Variants in F13A1 observed in about 807,000 individuals in gnomAD.
F13A1 encodes coagulation factor XIII A chain, also known as FSF, A subunit.
In F13A1, 47 loss-of-function variants were observed where a neutral mutation model predicts 80.1. The observed-to-expected ratio is 0.59, with a 90% confidence interval of 0.46 to 0.75. The LOEUF (loss-of-function observed/expected upper bound fraction) is 0.75, where lower values mean the gene tolerates loss of function less well. F13A1 is among the 30% of genes least tolerant of loss of function. The pLI is 0.00. For synonymous variants in F13A1, 349 were observed against 344.9 expected, an observed-to-expected ratio of 1.01 and a Z score of -0.13; for missense variants, 817 against 930.4, an observed-to-expected ratio of 0.88 and a Z score of 1.59.
intron 3 of F13A1, among the ~76,000 whole-genome samples, chr6:6,292,721 ACCCAGT>A: frequency 6.6e-6 from 1 of 152,310 alleles, no homozygotes; most frequent in East Asian, 1.9e-4. Context: ...TGTGCAGTTG[ACCCAGT>A]CCTAGAAATG....
chr6:6,209,806 G>C (rs764381334), intron 8 of F13A1, among the ~76,000 whole-genome samples: 1 of 152,240 alleles, frequency 6.6e-6, no homozygotes, highest in Non-Finnish European at 1.5e-5. Flanking sequence ...CAAATCCATA[G>C]AGAGAGAAAG....
intron 8 of F13A1, among the ~76,000 whole-genome samples, chr6:6,213,945 A>G (rs201069529): frequency 0.14 from 14,607 of 103,408 alleles, no homozygotes; most frequent in South Asian, 0.3. Context: ...CCATTACATA[A>G]TGGTAAAGGG....
In F13A1 at chr6:6,305,375, G is replaced by T. The variant is rs2113183947; in HGVS notation, c.295C>A (p.Leu99Ile). The change falls in exon 3 of 15, where the codon CTC becomes ATC. Residue 99 changes from leucine to isoleucine, a missense_variant. By Grantham distance (5) the Leu-to-Ile change is conservative. Coordinates refer to ENST00000264870, the MANE Select transcript of F13A1 (RefSeq NM_000129.4). ...CCAATGACGTATTCCACCCTGAAGA[G>T]ATCCCTTCTGGGGTCATATGGACGA... ...FSRPYDPRRD[L>I]FRVEYVIGRY... 6.2e-7 allele frequency: 1 copy of T among 1,614,226 alleles called. No homozygotes were observed. The highest frequency in any genetic ancestry group is 2.2e-5 in the East Asian group (1 of 44,880).
chr6:6,155,832 C>T (rs965443253), intron 13 of F13A1, among the ~76,000 whole-genome samples: 1 of 152,174 alleles, frequency 6.6e-6, no homozygotes, highest in African/African-American at 2.4e-5. Flanking sequence ...CTGTTTGCAT[C>T]ACATTATTTT....
chr6:6,244,013 G>T (rs1332890676), intron 6 of F13A1, among the ~76,000 whole-genome samples: 1 of 152,192 alleles, frequency 6.6e-6, no homozygotes, highest in Non-Finnish European at 1.5e-5. Flanking sequence ...CCGCAGTAAT[G>T]CCAGGTGGTT....
intron 8 of F13A1, among the ~76,000 whole-genome samples, chr6:6,218,742 G>A (rs1757142301): frequency 6.6e-6 from 1 of 152,204 alleles, no homozygotes; most frequent in African/African-American, 2.4e-5. Flanking sequence ...GGGACCTACG[G>A]TGGCAAACCA....
At chr6:6,189,871 T>C (rs575330657) in intron 10 of F13A1, among the ~76,000 whole-genome samples, 16 of 152,162 alleles carry the variant, frequency 1.1e-4, no homozygotes, top group Non-Finnish European at 1.8e-4. Context: ...CAGTGAGACG[T>C]AGATTTGGTC....
At chr6:6,255,545 T>C (rs1757691870) in intron 4 of F13A1, among the ~76,000 whole-genome samples, 5 of 152,010 alleles carry the variant, frequency 3.3e-5, no homozygotes, top group Admixed American at 1.3e-4. Context: ...AATCAATCAA[T>C]GTGTACTGAA....
rs1277387741 is a variant in F13A1, at chr6:6,167,584, C to G, written c.1782G>C (p.Glu594Asp). 2 of 1,613,788 alleles carry G rather than the reference C, an allele frequency of 1.2e-6. No homozygotes were observed. The highest frequency in any genetic ancestry group is 1.7e-6 in the Non-Finnish European group (2 of 1,180,018). Residue 594 changes from glutamate (E) to aspartate (D), a missense_variant, in exon 13 of 15, where the codon GAG (glutamate) becomes GAC (aspartate). Glu to Asp is a conservative substitution (Grantham distance 45, BLOSUM62 2). Transcript: ENST00000264870. The stretch of plus-strand genomic sequence containing the variant: ...CTTGTTCCAGCAGCTGACCCATGTA[C>G]TCGCCGGCTTGGATCAGCACCGCCT... Reference protein sequence around the residue: ...KKEAVLIQAGEYMGQLLEQAS... With the variant: ...KKEAVLIQAGDYMGQLLEQAS...
intron 3 of F13A1, among the ~76,000 whole-genome samples, chr6:6,301,114 C>T (rs948104577): frequency 5.3e-5 from 8 of 152,130 alleles, no homozygotes; most frequent in African/African-American, 1.9e-4. Context: ...AGCAATTAGC[C>T]TTAAAATCTA....
intron 7 of F13A1, among the ~76,000 whole-genome samples, chr6:6,224,483 A>G (rs1757247633): frequency 6.6e-6 from 1 of 152,144 alleles, no homozygotes; most frequent in Non-Finnish European, 1.5e-5. Flanking sequence ...TCTTTCTATA[A>G]AGATTCTGCA....
intron 4 of F13A1, among the ~76,000 whole-genome samples, chr6:6,253,404 C>G (rs1416041969): frequency 6.6e-6 from 1 of 152,124 alleles, no homozygotes; most frequent in African/African-American, 2.4e-5. Context: ...AAGTAGGGGT[C>G]TAAAATATGA....
At chr6:6,300,364 T>C (rs1758406494) in intron 3 of F13A1, among the ~76,000 whole-genome samples, 1 of 151,086 alleles carries the variant, frequency 6.6e-6, no homozygotes, top group African/African-American at 2.5e-5. Context: ...TGCAGTTTGA[T>C]CTCAGACTGC....
chr6:6,167,513 T>G lies in F13A1; in HGVS notation c.1853A>C (p.Asp618Ala). ...GGTGGACTTTTGCTTGGCCAGAACA[T>G]CCCTGGTCTCATTGATGCGAGCTGT... ...FVTARINETR[D>A]VLAKQKSTVL... Residue 618 changes from aspartate to alanine, a missense_variant, in exon 13 of 15, where the codon GAT becomes GCT. Asp to Ala is a moderately radical substitution (Grantham distance 126, BLOSUM62 -2). Transcript: ENST00000264870. 3.1e-6 allele frequency: 5 copies of G among 1,614,036 alleles called. No individual in the cohort carries two copies. Among genetic ancestry groups the G allele is most frequent in the Non-Finnish European group, 4.2e-6 (5 of 1,179,998 alleles).
intron 4 of F13A1, among the ~76,000 whole-genome samples, chr6:6,259,026 G>A (rs777712818): frequency 2.0e-5 from 3 of 152,156 alleles, no homozygotes; most frequent in Non-Finnish European, 2.9e-5. Context: ...GAAGCTATAC[G>A]AAGATTGTGT....
intron 13 of F13A1, among the ~76,000 whole-genome samples, chr6:6,154,654 T>C (rs1218799159): frequency 6.6e-6 from 1 of 152,226 alleles, no homozygotes; most frequent in Non-Finnish European, 1.5e-5. Flanking sequence ...TTCACTTTCT[T>C]CCCAGAGGCC....
chr6:6,250,671 C>T lies in F13A1; in HGVS notation c.690+140G>A, dbSNP rs1757617965. The T allele has an allele frequency of 7.3e-6, 5 of 683,626 alleles. No individual in the cohort carries two copies. Among genetic ancestry groups the T allele is most frequent in the Non-Finnish European group, 1.1e-5 (4 of 378,254 alleles). 42.3% of individuals were successfully genotyped at this position (683,626 alleles called of 1,614,324 possible). On this transcript the variant is annotated intron_variant, in intron 5 of 14. Coordinates refer to ENST00000264870, the MANE Select transcript of F13A1 (RefSeq NM_000129.4). This position sits in a 1 kb window ranked among gnomAD's most constrained non-coding sequence, Gnocchi z 4.2. ...CTTTATGAGTCCCTACTCCTATGCT[C>T]TCTGCCTTGGAGTCTCAGATCCTAA... is the stretch of plus-strand genomic sequence containing the variant.
intron 8 of F13A1, chr6:6,206,269 T>C (rs1761487247): frequency 4.6e-5 from 15 of 323,656 alleles, no homozygotes; most frequent in South Asian, 3.5e-4. Flanking sequence ...AGGAATTACA[T>C]TACATTCAGT....
At chr6:6,179,089 C>T (rs185476412) in intron 11 of F13A1, among the ~76,000 whole-genome samples, 3 of 152,236 alleles carry the variant, frequency 2.0e-5, no homozygotes, top group Admixed American at 2.0e-4. Flanking sequence ...TTGTTTTTAA[C>T]ACAGCAGATA....
Sources: allele counts gnomAD v4.1 joint callset (sites outside exome capture counted in the v4.1 genomes callset), GRCh38; gene constraint gnomAD v4.1.1; non-coding constraint Gnocchi (gnomAD v3.1); transcripts MANE v1.5; gene names NCBI Gene and HGNC (gene_info 2026-07-23, HGNC 2026-07-21).